ATG10: variants seen among roughly 807,000 people sequenced by gnomAD.
ATG10 encodes the protein ubiquitin-like-conjugating enzyme ATG10.
In ATG10, 30 loss-of-function variants were observed where a neutral mutation model predicts 32.1. That is an observed-to-expected ratio of 0.94 (90% CI 0.70 to 1.27). The LOEUF is 1.27. Among genes scored for constraint, ATG10 ranks in the 50% most tolerant of loss-of-function variants. The pLI is 0.00. For missense variants in ATG10, 233 were observed against 262.3 expected, an observed-to-expected ratio of 0.89 and a Z score of 0.77; for synonymous variants, 87 against 91.5, an observed-to-expected ratio of 0.95 and a Z score of 0.28.
intron 2 of ATG10, among the ~76,000 whole-genome samples, chr5:82,051,924 T>C (rs1763442134): frequency 6.6e-6 from 1 of 152,198 alleles, no homozygotes; most frequent in South Asian, 2.1e-4. Context: ...TTAATCAGTT[T>C]TGAACAGCTA....
chr5:82,141,399 G>A (rs1460137364), intron 3 of ATG10, among the ~76,000 whole-genome samples: 2 of 151,862 alleles, frequency 1.3e-5, no homozygotes, highest in Non-Finnish European at 2.9e-5. Context: ...TACTTTTTGG[G>A]GTTTATCTTT....
At chr5:82,111,974 C>T (rs1765635533) in intron 3 of ATG10, among the ~76,000 whole-genome samples, 5 of 151,890 alleles carry the variant, frequency 3.3e-5, no homozygotes. Context: ...GGACAATTCA[C>T]AAGTGGAAAA....
At position 82,049,560 on chromosome 5, in the gene ATG10, TA is replaced by T. The variant is rs889716776; in HGVS notation, c.109-8924del. Among the ~76,000 whole-genome samples the T allele has an allele frequency of 6.2e-3, 869 of 141,164 alleles. 5 individuals carry two copies. Among genetic ancestry groups the T allele is most frequent in the African/African-American group, 0.018 (685 of 38,468 alleles). The allele number at this position is 141,164 out of a possible 152,430, so 92.6% of individuals were successfully genotyped here. A position where few individuals can be genotyped will look rare whatever the true frequency, so the allele number is the denominator to read the frequency against. On this transcript the variant is annotated intron_variant, in intron 2 of 7. Coordinates refer to ENST00000282185, the MANE Select transcript of ATG10 (RefSeq NM_031482.5). ...AAACTTAAAGTATAATAATAATAAA[TA>T]AAAAAAAAAAGAAAACTAACTTCTT...
intron 2 of ATG10, among the ~76,000 whole-genome samples, chr5:81,993,063 C>G (rs550209388): frequency 6.6e-6 from 1 of 152,202 alleles, no homozygotes; most frequent in African/African-American, 2.4e-5. Flanking sequence ...GATGGTCTGT[C>G]AGATATTAAA....
rs527904839 is a variant in ATG10 at position 82,232,551 on chromosome 5, C to T, written c.454-20011C>T. The stretch of plus-strand genomic sequence containing the variant: ...TTGGGTAATATATATTAATGCATAG[C>T]TTGGATTTTTTCTTAATCCCAATCT... On this transcript the variant is annotated intron_variant, in intron 5 of 7. Coordinates refer to ENST00000282185, the MANE Select transcript of ATG10 (RefSeq NM_031482.5). Among the ~76,000 whole-genome samples, 3 of 152,242 alleles carry T rather than the reference C, an allele frequency of 2.0e-5. No homozygotes were observed. In the East Asian group the frequency reaches 5.8e-4, roughly 29 times the overall value.
chr5:82,036,327 C>T (rs750419166), intron 2 of ATG10, among the ~76,000 whole-genome samples: 4 of 152,146 alleles, frequency 2.6e-5, no homozygotes, highest in Non-Finnish European at 5.9e-5. Context: ...GGCACAGTGG[C>T]GCATGCATGT....
At chr5:81,989,747 C>T (rs886981348) in intron 2 of ATG10, among the ~76,000 whole-genome samples, 65 of 152,052 alleles carry the variant, frequency 4.3e-4, no homozygotes, top group South Asian at 2.3e-3. Context: ...TACAGGCGCC[C>T]GCCACCAGGC....
rs183576357 is a variant in ATG10 at position 82,025,531 on chromosome 5, C to G, written c.109-32964C>G. Among the ~76,000 whole-genome samples, 3 of 152,176 alleles carry G rather than the reference C, an allele frequency of 2.0e-5. No individual in the cohort carries two copies. In the East Asian group the frequency reaches 5.8e-4, roughly 29 times the overall value. ...TGCTGAGCCTGGGGGAGATAGGAGG[C>G]TGATAAGGGAGAAAGCTGAAAGTTG... On this transcript the variant is annotated intron_variant, in intron 2 of 7. Transcript: ENST00000282185.
Position 82,042,972 on chromosome 5 carries a change from C to A in ATG10, c.109-15523C>A, listed in dbSNP as rs528750788. 3.3e-5 allele frequency among the ~76,000 whole-genome samples: 5 copies of A among 152,254 alleles called. No homozygotes were observed. In the East Asian group the frequency reaches 9.7e-4, roughly 29 times the overall value. On this transcript the variant is annotated intron_variant, in intron 2 of 7. Transcript: ENST00000282185. ...CTTTCTGATGTATGGAGGACAGTGGCCCTTTTCTCACAGGTCCACTTGACA... is the reference window on the plus strand; with the variant it reads ...CTTTCTGATGTATGGAGGACAGTGGACCTTTTCTCACAGGTCCACTTGACA...
intron 5 of ATG10, among the ~76,000 whole-genome samples, chr5:82,224,866 G>A (rs561003543): frequency 6.6e-6 from 1 of 152,312 alleles, no homozygotes; most frequent in Non-Finnish European, 1.5e-5. Context: ...CCTGTCACAA[G>A]GGGAAGTTAG....
intron 2 of ATG10, among the ~76,000 whole-genome samples, chr5:82,017,070 A>G (rs571378838): frequency 5.9e-5 from 9 of 151,932 alleles, no homozygotes; most frequent in South Asian, 2.1e-4. Context: ...TGTGTTGTCT[A>G]TGATTTATCT....
intron 2 of ATG10, among the ~76,000 whole-genome samples, chr5:82,049,951 C>T (rs928858442): frequency 6.6e-6 from 1 of 152,002 alleles, no homozygotes; most frequent in Non-Finnish European, 1.5e-5. Context: ...AAAAATAACA[C>T]ATGATTTCAT....
chr5:82,139,888 G>T lies in ATG10; in HGVS notation c.217-24511G>T, dbSNP rs1286925916. 8.4e-5 allele frequency among the ~76,000 whole-genome samples: 12 copies of T among 142,210 alleles called. No individual in the cohort carries two copies. The South Asian group carries it at 2.5e-3, about 30-fold the overall frequency. 93.3% of individuals were successfully genotyped at this position (142,210 alleles called of 152,430 possible). A position where few individuals can be genotyped will look rare whatever the true frequency, so the allele number is the denominator to read the frequency against. ...GCCAGCCGCCCCGTCCGGGAGGGAG[G>T]TGGGGGGGTCAGCCCCCCGCCTGGC... is the stretch of plus-strand genomic sequence containing the variant. On this transcript the variant is annotated intron_variant, in intron 3 of 7. Coordinates refer to ENST00000282185, the MANE Select transcript of ATG10 (RefSeq NM_031482.5).
chr5:82,113,505 A>G (rs1765681837), intron 3 of ATG10, among the ~76,000 whole-genome samples: 1 of 151,952 alleles, frequency 6.6e-6, no homozygotes, highest in Non-Finnish European at 1.5e-5. Flanking sequence ...TTTTATATTT[A>G]TGTGATGCAG....
chr5:82,184,804 A>G (rs1470187885), intron 5 of ATG10, among the ~76,000 whole-genome samples: 1 of 152,156 alleles, frequency 6.6e-6, no homozygotes, highest in Non-Finnish European at 1.5e-5. Flanking sequence ...GGTATTGTAG[A>G]CCCCAGGCAC....
chr5:81,997,246 G>A (rs1310112738), intron 2 of ATG10, among the ~76,000 whole-genome samples: 1 of 152,242 alleles, frequency 6.6e-6, no homozygotes, highest in Non-Finnish European at 1.5e-5. Flanking sequence ...ACCCATTGGA[G>A]TGTTGTGGCC....
chr5:82,050,210 C>T (rs1303098862), intron 2 of ATG10, among the ~76,000 whole-genome samples: 1 of 151,788 alleles, frequency 6.6e-6, no homozygotes, highest in East Asian at 1.9e-4. Flanking sequence ...TGTAGTATTC[C>T]ATTGTATGGA....
intron 5 of ATG10, among the ~76,000 whole-genome samples, chr5:82,197,106 A>AT (rs990821295): frequency 1.6e-4 from 25 of 152,050 alleles, no homozygotes; most frequent in African/African-American, 6.0e-4. Context: ...CAAGTCTTGA[A>AT]TTTTTTCATT....
rs1030133480 is a variant in ATG10 at position 81,987,577 on chromosome 5, G to A, written c.7G>A (p.Glu3Lys). 6.9e-6 allele frequency: 11 copies of A among 1,604,926 alleles called. No individual in the cohort carries two copies. In the Admixed American group the frequency reaches 1.5e-4, roughly 22 times the overall value. ...ATTGCAGTTATCATTTAACATGGAA[G>A]AAGATGAGTTCATTGGAGAAAAAAC... ME[E>K]DEFIGEKTFQ... Residue 3 changes from glutamate (E) to lysine (K), a missense_variant, in exon 2 of 8, where the codon GAA (glutamate) becomes AAA (lysine). Glu to Lys is a moderately conservative substitution (Grantham distance 56). Coordinates refer to ENST00000282185, the MANE Select transcript of ATG10 (RefSeq NM_031482.5).
Sources: allele counts gnomAD v4.1 joint callset (sites outside exome capture counted in the v4.1 genomes callset), GRCh38; gene constraint gnomAD v4.1.1; transcripts MANE v1.5; gene names NCBI Gene and HGNC (gene_info 2026-07-23, HGNC 2026-07-21).